MAST4: variants seen among roughly 807,000 people sequenced by gnomAD.
MAST4 encodes the protein microtubule associated serine/threonine kinase family member 4, also known as microtubule-associated serine/threonine-protein kinase 4.
MAST4 carries 89 observed loss-of-function variants against 162.7 expected under a neutral mutation model. The ratio of observed to expected loss-of-function variants is 0.55; its 90% CI spans 0.46 to 0.65. The LOEUF is 0.65. Ranked by LOEUF, MAST4 falls within the 30% of genes least tolerant of loss-of-function variation. The pLI, the probability that MAST4 is intolerant of heterozygous loss-of-function variation, is 0.00. For synonymous variants in MAST4, 1,479 were observed against 1,361.1 expected, an observed-to-expected ratio of 1.09 and a Z score of -1.91; for missense variants, 3,153 against 3,374.0, an observed-to-expected ratio of 0.93 and a Z score of 1.62.
chr5:66,634,368 T>C (rs1744972642), intron 1 of MAST4, among the ~76,000 whole-genome samples: 1 of 151,698 alleles, frequency 6.6e-6, no homozygotes, highest in Non-Finnish European at 1.5e-5. Context: ...CATGGTTTGT[T>C]TTTTCTTAGG....
At chr5:66,775,013 G>A (rs1754524821) in intron 2 of MAST4, among the ~76,000 whole-genome samples, 1 of 146,860 alleles carries the variant, frequency 6.8e-6, no homozygotes, top group Admixed American at 6.8e-5. Context: ...GTGTGTGTGT[G>A]TGTGTGTGTG....
chr5:67,099,933 A>T (rs1057299543), intron 7 of MAST4, among the ~76,000 whole-genome samples: 2 of 152,266 alleles, frequency 1.3e-5, no homozygotes, highest in Middle Eastern at 3.4e-3. Flanking sequence ...ATCTTCTTTA[A>T]TCCCTCCCGT....
intron 3 of MAST4, among the ~76,000 whole-genome samples, chr5:66,896,786 G>A (rs1350094243): frequency 6.6e-6 from 1 of 152,140 alleles, no homozygotes; most frequent in Non-Finnish European, 1.5e-5. Context: ...AGCTAAGGAT[G>A]GCTGGGTGAA....
rs185676932 is a variant in MAST4 at position 67,025,616 on chromosome 5, A to T, written c.675-28788A>T. Among the ~76,000 whole-genome samples the T allele has an allele frequency of 1.8e-3, 272 of 152,274 alleles. 3 individuals are homozygous for T. Among genetic ancestry groups the T allele is most frequent in the African/African-American group, 6.2e-3 (256 of 41,562 alleles). On this transcript the variant is annotated intron_variant, in intron 4 of 28. Coordinates refer to ENST00000403625, the MANE Select transcript of MAST4 (RefSeq NM_001164664.2). The stretch of plus-strand genomic sequence containing the variant: ...CCTCTGGAGTTTGTTATGAAACTTG[A>T]TTATCAGGGGCCTGGCATAATTGAG...
intron 4 of MAST4, among the ~76,000 whole-genome samples, chr5:66,990,829 T>C (rs1342468072): frequency 1.3e-5 from 2 of 152,138 alleles, no homozygotes; most frequent in Non-Finnish European, 2.9e-5. Flanking sequence ...ATCTGACAGA[T>C]AGAGTACATG....
At chr5:66,753,656 TCAATAGCTTAC>T (rs1466019417) in intron 1 of MAST4, among the ~76,000 whole-genome samples, 1 of 151,414 alleles carries the variant, frequency 6.6e-6, no homozygotes, top group Non-Finnish European at 1.5e-5. Context: ...GTGGCAATAA[TCAATAGCTTAC>T]CAACCAAACA....
At position 67,149,329 on chromosome 5, in the gene MAST4, C is replaced by T. The variant is rs977262675; in HGVS notation, c.3095-60C>T. 3 of 1,477,626 alleles carry T rather than the reference C, an allele frequency of 2.0e-6. No homozygotes were observed. The African/African-American group carries it at 4.2e-5, about 21-fold the overall frequency. The allele number at this position is 1,477,626 out of a possible 1,614,324, so 91.5% of individuals were successfully genotyped here. ...CTTCCTGCTGTCTCTCTCTTCCCGT[C>T]TTCCCACCTCTCCTATCCTGGATTT... On this transcript the variant is annotated intron_variant, in intron 23 of 28. Coordinates refer to ENST00000403625, the MANE Select transcript of MAST4 (RefSeq NM_001164664.2).
intron 4 of MAST4, among the ~76,000 whole-genome samples, chr5:66,977,968 C>A (rs534035176): frequency 1.6e-4 from 24 of 152,288 alleles, no homozygotes; most frequent in African/African-American, 5.8e-4. Context: ...TTCTTTGAAG[C>A]TTCAAAGTAG....
Position 66,870,747 on chromosome 5 carries a change from C to T in MAST4, c.643-29204C>T, listed in dbSNP as rs570894330. ...CCCCACCTTCTCCCTTCCCACCTCT[C>T]GTTCACTCCCCATCTTCCATTCACT... On this transcript the variant is annotated intron_variant, in intron 3 of 28. Coordinates refer to ENST00000403625, the MANE Select transcript of MAST4 (RefSeq NM_001164664.2). The T allele has an allele frequency of 4.0e-4, 188 of 470,940 alleles. 1 individual carries two copies. The highest frequency in any genetic ancestry group is 1.3e-3 in the Middle Eastern group (4 of 3,080). 29.2% of individuals were successfully genotyped at this position (470,940 alleles called of 1,614,324 possible).
At chr5:66,828,690 A>G in intron 3 of MAST4, 1 of 1,129,388 alleles carries the variant, frequency 8.9e-7, no homozygotes, top group South Asian at 1.5e-5. Context: ...GCTGGAGTGA[A>G]TAACTAAGCT....
chr5:67,118,215 A>G (rs1352786332), intron 12 of MAST4, among the ~76,000 whole-genome samples: 1 of 152,192 alleles, frequency 6.6e-6, no homozygotes, highest in African/African-American at 2.4e-5. Context: ...CAAATTCTTA[A>G]TGTCTCTGGC....
intron 3 of MAST4, among the ~76,000 whole-genome samples, chr5:66,876,716 A>G (rs763566909): frequency 7.9e-5 from 12 of 152,154 alleles, no homozygotes; most frequent in Non-Finnish European, 1.3e-4. Context: ...AGCGGCCTCA[A>G]TCCTAAAGAG....
At chr5:66,782,115 C>T (rs149541103) in intron 2 of MAST4, among the ~76,000 whole-genome samples, 1 of 151,762 alleles carries the variant, frequency 6.6e-6, no homozygotes, top group Non-Finnish European at 1.5e-5. Context: ...ATGGTGAAAC[C>T]CTGTCTCTAT....
chr5:66,929,227 A>G lies in MAST4; in HGVS notation c.674+29245A>G, dbSNP rs138543842. 1.9e-4 allele frequency among the ~76,000 whole-genome samples: 29 copies of G among 152,272 alleles called. No homozygotes were observed. In the East Asian group the frequency reaches 5.6e-3, roughly 29 times the overall value. ...GAGAACCTTGGGGGCCATTAGGGTA[A>G]GTCCTGGATTCCAAAGGGTGGAGAG... On this transcript the variant is annotated intron_variant, in intron 4 of 28. Transcript: ENST00000403625.
intron 14 of MAST4, among the ~76,000 whole-genome samples, chr5:67,129,553 C>G (rs771697269): frequency 6.6e-6 from 1 of 151,864 alleles, no homozygotes; most frequent in East Asian, 1.9e-4. Context: ...AACTCTGTCT[C>G]TACCAAAAAA....
chr5:66,945,012 G>A (rs76758192), intron 4 of MAST4, among the ~76,000 whole-genome samples: 13 of 152,248 alleles, frequency 8.5e-5, no homozygotes, highest in Admixed American at 3.3e-4. Flanking sequence ...TCACAGGACC[G>A]TGGGGATTAT....
At chr5:66,897,129 T>C (rs904892865) in intron 3 of MAST4, among the ~76,000 whole-genome samples, 1 of 152,216 alleles carries the variant, frequency 6.6e-6, no homozygotes, top group Non-Finnish European at 1.5e-5. Context: ...ATTAGCATAT[T>C]GTTTAGTTCA....
At chr5:67,086,829 C>T (rs1763296381) in intron 5 of MAST4, among the ~76,000 whole-genome samples, 1 of 152,188 alleles carries the variant, frequency 6.6e-6, no homozygotes, top group Non-Finnish European at 1.5e-5. Context: ...TTACTCTCAT[C>T]CTGGGGAAGC....
intron 3 of MAST4, among the ~76,000 whole-genome samples, chr5:66,834,037 G>A (rs1323556755): frequency 6.6e-6 from 1 of 152,192 alleles, no homozygotes; most frequent in Non-Finnish European, 1.5e-5. Flanking sequence ...ATTGTACTTA[G>A]TTAATCTTAG....
Sources: gnomAD v4.1 joint callset for allele counts (sites outside exome capture counted in the v4.1 genomes callset) on GRCh38, gnomAD v4.1.1 for gene constraint, MANE v1.5 for transcripts, NCBI Gene and HGNC (gene_info 2026-07-23, HGNC 2026-07-21) for gene names.